Variants in ADAMTS17 observed in about 807,000 individuals in gnomAD.
ADAMTS17 encodes A disintegrin and metalloproteinase with thrombospondin motifs 17.
In ADAMTS17, 113 loss-of-function variants were observed where a neutral mutation model predicts 141.5. That is an observed-to-expected ratio of 0.80 (90% CI 0.69 to 0.93). The LOEUF (loss-of-function observed/expected upper bound fraction) is 0.93, where lower values mean the gene tolerates loss of function less well. Ranked by LOEUF, ADAMTS17 falls within the 40% of genes least tolerant of loss-of-function variation. The probability of loss-of-function intolerance (pLI) is 0.00; values close to 1 mark genes in which losing one functional copy is unlikely to be tolerated. For synonymous variants in ADAMTS17, 768 were observed against 630.6 expected, an observed-to-expected ratio of 1.22 and a Z score of -3.27; for missense variants, 1,659 against 1,517.9, an observed-to-expected ratio of 1.09 and a Z score of -1.54.
chr15:100,044,766 T>G (rs4965274), intron 18 of ADAMTS17, among the ~76,000 whole-genome samples: 40,499 of 151,936 alleles, frequency 0.27, 5,722 homozygotes, highest in East Asian at 0.49. Flanking sequence ...ACAGCAGCAC[T>G]GCTCAACAGA....
chr15:100,084,451 C>A (rs778511550), intron 15 of ADAMTS17, among the ~76,000 whole-genome samples: 1 of 152,244 alleles, frequency 6.6e-6, no homozygotes, highest in East Asian at 1.9e-4. Context: ...GGAGAAACCT[C>A]TGCAGACTTA....
intron 4 of ADAMTS17, among the ~76,000 whole-genome samples, chr15:100,279,016 G>A (rs185451236): frequency 2.0e-5 from 3 of 152,250 alleles, no homozygotes; most frequent in Admixed American, 6.5e-5. Flanking sequence ...AGGCCTCCCA[G>A]CCACCACAGC....
intron 18 of ADAMTS17, among the ~76,000 whole-genome samples, chr15:100,005,481 G>A (rs569328036): frequency 2.6e-5 from 4 of 151,996 alleles, no homozygotes; most frequent in African/African-American, 9.7e-5. Flanking sequence ...CCTTGGCTTG[G>A]GGCGTCTTCC....
At chr15:100,259,962 A>G (rs1489770548) in intron 6 of ADAMTS17, among the ~76,000 whole-genome samples, 1 of 152,186 alleles carries the variant, frequency 6.6e-6, no homozygotes, top group East Asian at 1.9e-4. Context: ...CTCCTGCCTC[A>G]GCCTCCCAAG....
chr15:100,192,901 C>A (rs753159148), intron 8 of ADAMTS17, among the ~76,000 whole-genome samples: 2 of 152,138 alleles, frequency 1.3e-5, no homozygotes, highest in Non-Finnish European at 1.5e-5. Flanking sequence ...GACATGTGTC[C>A]ACCCACTGCC....
At chr15:100,095,335 C>T (rs112939143) in intron 15 of ADAMTS17, among the ~76,000 whole-genome samples, 42 of 152,166 alleles carry the variant, frequency 2.8e-4, no homozygotes, top group East Asian at 9.6e-4. Flanking sequence ...AAAATGTTGG[C>T]GCAGTAGGCT....
chr15:100,051,078 G>A (rs2032099867), intron 17 of ADAMTS17, among the ~76,000 whole-genome samples: 1 of 152,210 alleles, frequency 6.6e-6, no homozygotes. Flanking sequence ...ATTTGCTGAG[G>A]TCAAGCAGGA....
intron 15 of ADAMTS17, among the ~76,000 whole-genome samples, chr15:100,084,514 C>T (rs1485080365): frequency 6.6e-6 from 1 of 152,222 alleles, no homozygotes; most frequent in Non-Finnish European, 1.5e-5. Context: ...CAGCATGCAG[C>T]TTGAGATCTG....
In ADAMTS17 at chr15:99,974,304, G is replaced by T; in HGVS notation, c.*98C>A. 3 of 1,516,680 alleles carry T rather than the reference G, an allele frequency of 2.0e-6. No homozygotes were observed. The highest frequency in any genetic ancestry group is 2.7e-6 in the Non-Finnish European group (3 of 1,100,092). The allele number at this position is 1,516,680 out of a possible 1,614,324, so 94.0% of individuals were successfully genotyped here. On this transcript the variant is annotated 3_prime_UTR_variant, in exon 22 of 22. Transcript: ENST00000268070. Reference sequence around the variant, plus strand: ...ATGTTCTATGTAGTTGGATTCTTGTGGCAGCCGGGTGGGGGCGTGGCCACA... The same window carrying T: ...ATGTTCTATGTAGTTGGATTCTTGTTGCAGCCGGGTGGGGGCGTGGCCACA...
chr15:100,262,645 G>C (rs1008938460), intron 4 of ADAMTS17, among the ~76,000 whole-genome samples: 1 of 151,938 alleles, frequency 6.6e-6, no homozygotes, highest in Non-Finnish European at 1.5e-5. Flanking sequence ...GGCTCATGAT[G>C]GGGAAACTAT....
chr15:100,019,104 A>T (rs2061349504), intron 18 of ADAMTS17, among the ~76,000 whole-genome samples: 1 of 152,236 alleles, frequency 6.6e-6, no homozygotes, highest in Non-Finnish European at 1.5e-5. Context: ...GTAAGACGAA[A>T]TCATATAGAA....
At chr15:100,157,254 A>T (rs1347193859) in intron 8 of ADAMTS17, among the ~76,000 whole-genome samples, 1 of 152,174 alleles carries the variant, frequency 6.6e-6, no homozygotes, top group Admixed American at 6.5e-5. Context: ...ACACAGCCAA[A>T]CCATATCAGA....
chr15:100,305,202 C>G (rs1291104500), intron 3 of ADAMTS17, among the ~76,000 whole-genome samples: 3 of 152,140 alleles, frequency 2.0e-5, no homozygotes, highest in Non-Finnish European at 4.4e-5. Context: ...AAAAAAACAC[C>G]TTATAAAGCT....
chr15:100,194,969 C>A (rs2041055798), intron 8 of ADAMTS17, among the ~76,000 whole-genome samples: 3 of 152,342 alleles, frequency 2.0e-5, no homozygotes, highest in Admixed American at 6.5e-5. Flanking sequence ...TAAAAACACT[C>A]ACTTTACGGT....
intron 8 of ADAMTS17, among the ~76,000 whole-genome samples, chr15:100,155,582 A>G (rs1272318367): frequency 6.6e-6 from 1 of 152,222 alleles, no homozygotes; most frequent in Non-Finnish European, 1.5e-5. Context: ...AACAAAGTAT[A>G]TTAACTCTGA....
chr15:100,158,692 C>T (rs1043326400), intron 8 of ADAMTS17, among the ~76,000 whole-genome samples: 1 of 152,158 alleles, frequency 6.6e-6, no homozygotes, highest in Non-Finnish European at 1.5e-5. Flanking sequence ...AGTATTTTTC[C>T]TTCTGCAACT....
intron 7 of ADAMTS17, among the ~76,000 whole-genome samples, chr15:100,246,816 TTGCCATCCATG>T (rs2043000585): frequency 6.6e-6 from 1 of 152,196 alleles, no homozygotes; most frequent in South Asian, 2.1e-4. Context: ...ATAAGTTTAT[TTGCCATCCATG>T]TATATGTAAA....
chr15:100,195,613 CAAAAAAAAAAA>C (rs71287815), intron 8 of ADAMTS17, among the ~76,000 whole-genome samples: 3 of 63,646 alleles, frequency 4.7e-5, no homozygotes, highest in African/African-American at 6.0e-5. Flanking sequence ...TGTTTGGTCT[CAAAAAAAAAAA>C]AAAAAAAAAA....
chr15:100,248,742 G>A (rs918355045), intron 7 of ADAMTS17, among the ~76,000 whole-genome samples: 5 of 151,934 alleles, frequency 3.3e-5, no homozygotes, highest in African/African-American at 4.8e-5. Context: ...CCATTCCAGC[G>A]AAGCCTAAGA....
Sources: allele counts gnomAD v4.1 joint callset (sites outside exome capture counted in the v4.1 genomes callset), GRCh38; gene constraint gnomAD v4.1.1; transcripts MANE v1.5; gene names NCBI Gene and HGNC (gene_info 2026-07-23, HGNC 2026-07-21).